The following OCA2 variants were observed in gnomAD, a reference collection of about 807,000 sequenced individuals.
The protein encoded by OCA2 is OCA2 melanosomal transmembrane protein, also known as P protein.
OCA2 carries 77 observed loss-of-function variants against 100.2 expected under a neutral mutation model. The observed-to-expected ratio is 0.77, with a 90% CI of 0.64 to 0.93. The LOEUF is 0.93. Ranked by LOEUF, OCA2 falls within the 40% of genes least tolerant of loss-of-function variation. The probability of loss-of-function intolerance (pLI) is 0.00; values close to 1 mark genes in which losing one functional copy is unlikely to be tolerated. For synonymous variants in OCA2, 432 were observed against 439.2 expected (o/e 0.98, Z 0.21); for missense variants, 1,062 against 1,089.1 (o/e 0.98, Z 0.35).
chr15:28,093,249 T>G (rs572065872), intron 1 of OCA2, among the ~76,000 whole-genome samples: 63 of 151,940 alleles, frequency 4.1e-4, no homozygotes, highest in African/African-American at 1.4e-3. Flanking sequence ...TGGTGTAACC[T>G]CGCCTCTACT....
intron 17 of OCA2, 141 bp from the exon 18 acceptor site, chr15:27,952,033 A>T: frequency 1.4e-6 from 1 of 720,730 alleles, no homozygotes; most frequent in Non-Finnish European, 2.5e-6. Context: ...AAAATGGCAA[A>T]GTACTGTGTT....
chr15:27,958,467 C>T (rs1037421653), intron 15 of OCA2, among the ~76,000 whole-genome samples: 1 of 152,172 alleles, frequency 6.6e-6, no homozygotes, highest in African/African-American at 2.4e-5. Context: ...ATTTGGTAAG[C>T]AGCAGAAGAC....
intron 23 of OCA2, among the ~76,000 whole-genome samples, chr15:27,809,068 C>T (rs1261276467): frequency 6.6e-6 from 1 of 152,198 alleles, no homozygotes; most frequent in African/African-American, 2.4e-5. Context: ...CCTTGCAACT[C>T]CTTCCCCTCA....
the OCA2 span, among the ~76,000 whole-genome samples, chr15:27,722,770 T>TC: frequency 6.0e-5 from 5 of 82,954 alleles, no homozygotes; most frequent in South Asian, 4.3e-4. Flanking sequence ...CCTTTCTTTC[T>TC]TTTCTTTCTT....
At chr15:27,902,215 TG>T (rs11327940) in intron 19 of OCA2, among the ~76,000 whole-genome samples, 43,585 of 151,050 alleles carry the variant, frequency 0.29, 6,754 homozygotes, top group East Asian at 0.56. Context: ...TTGTTGTTGT[TG>T]TTGTTTTTTT....
At chr15:27,971,216 G>A (rs189710498) in intron 14 of OCA2, among the ~76,000 whole-genome samples, 12 of 152,244 alleles carry the variant, frequency 7.9e-5, no homozygotes, top group Admixed American at 4.6e-4. Flanking sequence ...CAAGCCCAGC[G>A]CACAGTATAG....
chr15:27,850,785 CCT>C (rs1006848353), intron 22 of OCA2, among the ~76,000 whole-genome samples: 16 of 152,148 alleles, frequency 1.1e-4, no homozygotes, highest in African/African-American at 3.4e-4. Flanking sequence ...TCACAATCCC[CCT>C]GTGTTCCCAA....
At chr15:28,088,061 T>C (rs1204297956) in intron 1 of OCA2, among the ~76,000 whole-genome samples, 1 of 150,566 alleles carries the variant, frequency 6.6e-6, no homozygotes, top group South Asian at 2.1e-4. Flanking sequence ...AACCTGCATC[T>C]CAAAGGAAAA....
intron 15 of OCA2, among the ~76,000 whole-genome samples, chr15:27,962,017 TA>T (rs2040426281): frequency 2.6e-5 from 4 of 152,052 alleles, no homozygotes; most frequent in Admixed American, 2.6e-4. Context: ...ATTAAAATAA[TA>T]AAACAAAATA....
chr15:27,747,591 A>G, the OCA2 span, among the ~76,000 whole-genome samples: 1 of 152,124 alleles, frequency 6.6e-6, no homozygotes, highest in Admixed American at 6.6e-5. Context: ...AACCACCCAG[A>G]CGTCAGTTTT....
At chr15:27,839,235 G>T (rs1243673837) in intron 23 of OCA2, among the ~76,000 whole-genome samples, 2 of 152,064 alleles carry the variant, frequency 1.3e-5, no homozygotes, top group Non-Finnish European at 2.9e-5. Context: ...GTAATCACTA[G>T]ATCAAAATAC....
At position 28,057,295 on chromosome 15, in the gene OCA2, G is replaced by A. The variant is rs538345849; in HGVS notation, c.227+24353C>T. On this transcript the variant is annotated intron_variant, in intron 2 of 23. Transcript: ENST00000354638. ...TATTTTTGATCCACAAGAACACCTGGCAACCTACAGGAGCTAGAATCCAAT... is the reference window on the plus strand; with the variant it reads ...TATTTTTGATCCACAAGAACACCTGACAACCTACAGGAGCTAGAATCCAAT... Among the ~76,000 whole-genome samples the A allele has an allele frequency of 2.6e-5, 4 of 152,150 alleles. No homozygotes were observed. In the East Asian group the frequency reaches 7.7e-4, roughly 29 times the overall value.
In OCA2 at chr15:27,921,269, GAAGC is replaced by G. The variant is rs1039135977; in HGVS notation, c.2079+4854_2079+4857del. Among the ~76,000 whole-genome samples, 167 of 152,158 alleles carry G rather than the reference GAAGC, an allele frequency of 1.1e-3. 1 individual carries two copies. The highest frequency in any genetic ancestry group is 3.5e-3 in the African/African-American group (147 of 41,532). On this transcript the variant is annotated intron_variant, in intron 19 of 23. Coordinates refer to ENST00000354638, the MANE Select transcript of OCA2 (RefSeq NM_000275.3). ...ATGATTAACAGCTAATTTCTCATAA[GAAGC>G]AATGGAGACCCGAAGTCAGAATGAC... is the stretch of plus-strand genomic sequence containing the variant.
At chr15:27,965,585 T>C (rs887498014) in intron 15 of OCA2, among the ~76,000 whole-genome samples, 1 of 152,116 alleles carries the variant, frequency 6.6e-6, no homozygotes, top group Non-Finnish European at 1.5e-5. Context: ...CATGTGGAAA[T>C]GGAATCTGGG....
At chr15:28,066,417 G>A (rs1297967551) in intron 2 of OCA2, among the ~76,000 whole-genome samples, 2 of 151,996 alleles carry the variant, frequency 1.3e-5, no homozygotes, top group Admixed American at 6.6e-5. Flanking sequence ...GGAGAGGGGG[G>A]TGGGAGGCGT....
chr15:27,728,137 G>A, the OCA2 span, among the ~76,000 whole-genome samples: 4,432 of 152,218 alleles, frequency 0.029, 233 homozygotes, highest in African/African-American at 0.1. Context: ...ATCTAAATCA[G>A]GCAAGGGTAG....
chr15:27,749,766 A>C, the OCA2 span, among the ~76,000 whole-genome samples: 3 of 152,218 alleles, frequency 2.0e-5, no homozygotes, highest in Non-Finnish European at 4.4e-5. Flanking sequence ...ACTCAATTAT[A>C]AATCTAACAA....
chr15:27,809,882 T>A (rs1261857223), intron 23 of OCA2, among the ~76,000 whole-genome samples: 1 of 152,148 alleles, frequency 6.6e-6, no homozygotes, highest in Non-Finnish European at 1.5e-5. Flanking sequence ...CACAAACAAA[T>A]GGAAATACAT....
At chr15:27,920,294 C>A (rs2038810802) in intron 19 of OCA2, among the ~76,000 whole-genome samples, 2 of 151,852 alleles carry the variant, frequency 1.3e-5, no homozygotes, top group Admixed American at 6.6e-5. Context: ...CAAATAGTAA[C>A]AACAACAACA....
Sources: gnomAD v4.1 joint callset for allele counts (sites outside exome capture counted in the v4.1 genomes callset) on GRCh38, gnomAD v4.1.1 for gene constraint, MANE v1.5 for transcripts, NCBI Gene and HGNC (gene_info 2026-07-23, HGNC 2026-07-21) for gene names.